RORA: variants seen among roughly 807,000 people sequenced by gnomAD.
RORA encodes the protein nuclear receptor ROR-alpha.
RORA carries 7 observed loss-of-function variants against 69.5 expected under a neutral mutation model. The observed-to-expected ratio is 0.10, with a 90% CI of 0.06 to 0.19. The LOEUF (loss-of-function observed/expected upper bound fraction) is 0.19. Among genes scored for constraint, RORA ranks in the 10% least tolerant of loss-of-function variants. The pLI, the probability that RORA is intolerant of heterozygous loss-of-function variation, is 1.00. For missense variants in RORA, 457 were observed against 663.0 expected, an observed-to-expected ratio of 0.69 and a Z score of 3.41; for synonymous variants, 261 against 240.8, an observed-to-expected ratio of 1.08 and a Z score of -0.78.
At chr15:60,962,583 TCCA>T (rs1394411857) in intron 1 of RORA, among the ~76,000 whole-genome samples, 1 of 152,202 alleles carries the variant, frequency 6.6e-6, no homozygotes, top group Non-Finnish European at 1.5e-5. Context: ...CCCGCTCTCC[TCCA>T]CTTTACCCTA....
intron 1 of RORA, among the ~76,000 whole-genome samples, chr15:60,921,976 C>T (rs1049568808): frequency 2.6e-5 from 4 of 152,176 alleles, no homozygotes; most frequent in African/African-American, 4.8e-5. Context: ...CCATGGACCC[C>T]GTCACTGAGC....
At position 61,213,016 on chromosome 15, in the gene RORA, T is replaced by C. The variant is rs957107463; in HGVS notation, c.166+16037A>G. 9.9e-5 allele frequency among the ~76,000 whole-genome samples: 15 copies of C among 152,284 alleles called. No homozygotes were observed. Among genetic ancestry groups the C allele is most frequent in the African/African-American group, 3.6e-4 (15 of 41,550 alleles). On this transcript the variant is annotated intron_variant, in intron 1 of 10. Coordinates refer to ENST00000335670, the MANE Select transcript of RORA (RefSeq NM_134261.3). The surrounding 1 kb of genome is among the most constrained non-coding windows in gnomAD (Gnocchi z 4.1). Reference sequence around the variant, plus strand: ...TTGCCTAATGCCACATGTAACATATTGTCACCTGCTCCCTGCTAGACCCCC... The same window carrying C: ...TTGCCTAATGCCACATGTAACATATCGTCACCTGCTCCCTGCTAGACCCCC...
intron 1 of RORA, among the ~76,000 whole-genome samples, chr15:60,805,203 G>A (rs915104203): frequency 2.0e-5 from 3 of 152,092 alleles, no homozygotes; most frequent in Admixed American, 1.3e-4. Flanking sequence ...CCTCTGACAC[G>A]CAAGGGAACA....
intron 2 of RORA, among the ~76,000 whole-genome samples, chr15:60,632,324 G>A (rs1029160503): frequency 1.3e-5 from 2 of 152,048 alleles, no homozygotes; most frequent in African/African-American, 4.8e-5. Flanking sequence ...AGCCAGGATG[G>A]TCTCGATCTC....
At chr15:60,802,178 C>T (rs1199885123) in intron 1 of RORA, among the ~76,000 whole-genome samples, 1 of 152,172 alleles carries the variant, frequency 6.6e-6, no homozygotes, top group Non-Finnish European at 1.5e-5. Context: ...CAATTCTGCA[C>T]CTGGGCCCTG....
chr15:60,622,341 G>A lies in RORA; in HGVS notation c.196+56316C>T, dbSNP rs556356202. On this transcript the variant is annotated intron_variant, in intron 2 of 10. Coordinates refer to ENST00000335670, the MANE Select transcript of RORA (RefSeq NM_134261.3). ...AAATACCAAGATGCAGGCTGGGCGT[G>A]ATGGCTAACACCTGTAATCCCAGCA... Among the ~76,000 whole-genome samples, 869 of 152,030 alleles carry A rather than the reference G, an allele frequency of 5.7e-3. 4 individuals carry two copies. Among genetic ancestry groups the A allele is most frequent in the Non-Finnish European group, 9.5e-3 (647 of 67,960 alleles).
intron 1 of RORA, among the ~76,000 whole-genome samples, chr15:60,777,266 G>T (rs1306337089): frequency 6.6e-6 from 1 of 152,086 alleles, no homozygotes; most frequent in Non-Finnish European, 1.5e-5. Flanking sequence ...ATAAGACCCG[G>T]AACATTAGCT....
At chr15:60,566,157 A>G (rs1182216188) in intron 2 of RORA, among the ~76,000 whole-genome samples, 1 of 152,184 alleles carries the variant, frequency 6.6e-6, no homozygotes, top group Non-Finnish European at 1.5e-5. Context: ...AATTATGGAG[A>G]GCAGAGTTCA....
chr15:60,792,213 C>T (rs1037869010), intron 1 of RORA, among the ~76,000 whole-genome samples: 6 of 152,010 alleles, frequency 3.9e-5, no homozygotes, highest in Non-Finnish European at 8.8e-5. Context: ...AGGAAAGAGT[C>T]AATGGACTTG....
intron 2 of RORA, among the ~76,000 whole-genome samples, chr15:60,586,173 G>C (rs1022097250): frequency 6.6e-6 from 1 of 152,192 alleles, no homozygotes; most frequent in Non-Finnish European, 1.5e-5. Context: ...CTGGTGGTGA[G>C]AGGTGCTAGA....
intron 1 of RORA, among the ~76,000 whole-genome samples, chr15:60,775,042 C>A (rs2072141163): frequency 6.6e-6 from 1 of 152,216 alleles, no homozygotes; most frequent in South Asian, 2.1e-4. Flanking sequence ...AGACACCCCA[C>A]ACGTCTAAGA....
At chr15:60,934,424 T>G (rs1239868553) in intron 1 of RORA, among the ~76,000 whole-genome samples, 1 of 152,166 alleles carries the variant, frequency 6.6e-6, no homozygotes, top group Non-Finnish European at 1.5e-5. Context: ...GGGCCATAAC[T>G]CCAGAGTATT....
intron 3 of RORA, among the ~76,000 whole-genome samples, chr15:60,515,941 A>ATATATT (rs1567050763): frequency 5.9e-5 from 1 of 17,062 alleles, no homozygotes; most frequent in African/African-American, 3.3e-4. Flanking sequence ...ATATATATTT[A>ATATATT]TATATATTTA....
chr15:61,091,840 T>G (rs2078712326), intron 1 of RORA, among the ~76,000 whole-genome samples: 1 of 152,184 alleles, frequency 6.6e-6, no homozygotes, highest in Non-Finnish European at 1.5e-5. Flanking sequence ...TAAAGTAAGG[T>G]TCATTTTTTC....
At chr15:61,120,895 T>C (rs1372618672) in intron 1 of RORA, among the ~76,000 whole-genome samples, 1 of 151,760 alleles carries the variant, frequency 6.6e-6, no homozygotes, top group Non-Finnish European at 1.5e-5. Flanking sequence ...TCTCCCAGGA[T>C]GGAGTGCAGT....
chr15:60,876,095 C>T (rs531404833), intron 1 of RORA, among the ~76,000 whole-genome samples: 1 of 152,186 alleles, frequency 6.6e-6, no homozygotes, highest in Non-Finnish European at 1.5e-5. Flanking sequence ...TATACCACCA[C>T]ACCCTCCTGA....
At chr15:61,164,561 C>A (rs1257647212) in intron 1 of RORA, among the ~76,000 whole-genome samples, 1 of 152,122 alleles carries the variant, frequency 6.6e-6, no homozygotes, top group Admixed American at 6.6e-5. Flanking sequence ...TACCTACAAG[C>A]CCTTTGTTCC....
chr15:60,630,910 C>T (rs1386726433), intron 2 of RORA, among the ~76,000 whole-genome samples: 53 of 22,274 alleles, frequency 2.4e-3, no homozygotes, highest in African/African-American at 0.019. Context: ...TTTTTTGAGA[C>T]GGAGTCTCGC....
chr15:61,000,414 A>G (rs1894709000), intron 1 of RORA, among the ~76,000 whole-genome samples: 1 of 152,206 alleles, frequency 6.6e-6, no homozygotes, highest in Non-Finnish European at 1.5e-5. Context: ...ATCAGATGCA[A>G]AGTGAACATC....
Sources: gnomAD v4.1 joint callset for allele counts (sites outside exome capture counted in the v4.1 genomes callset) on GRCh38, gnomAD v4.1.1 for gene constraint, Gnocchi (gnomAD v3.1) non-coding constraint, MANE v1.5 for transcripts, NCBI Gene and HGNC (gene_info 2026-07-23, HGNC 2026-07-21) for gene names.